MYO9A: variants seen among roughly 807,000 people sequenced by gnomAD.
The protein encoded by MYO9A is unconventional myosin-IXa.
A neutral mutation model predicts 293.3 loss-of-function variants in MYO9A; 103 were observed. The ratio of observed to expected loss-of-function variants is 0.35; its 90% CI spans 0.30 to 0.41. The LOEUF (loss-of-function observed/expected upper bound fraction) is 0.41. Among genes scored for constraint, MYO9A ranks in the 10% least tolerant of loss-of-function variants. The pLI is 1.00. For missense variants in MYO9A, 2,685 were observed against 3,033.0 expected (o/e 0.89, Z 2.69); for synonymous variants, 1,001 against 1,035.7 (o/e 0.97, Z 0.64).
intron 8 of MYO9A, among the ~76,000 whole-genome samples, chr15:72,003,064 G>A (rs1327144028): frequency 6.6e-6 from 1 of 151,936 alleles, no homozygotes; most frequent in East Asian, 1.9e-4. Context: ...TAAGTCAGGA[G>A]TTCGAGACCA....
chr15:71,885,460 A>G (rs1049461364), intron 27 of MYO9A, among the ~76,000 whole-genome samples: 2 of 151,998 alleles, frequency 1.3e-5, no homozygotes, highest in African/African-American at 4.8e-5. Flanking sequence ...CATTTCTATC[A>G]ACTCTCAATA....
chr15:71,992,134 AG>A (rs1247323274), intron 10 of MYO9A, among the ~76,000 whole-genome samples: 1 of 152,236 alleles, frequency 6.6e-6, no homozygotes, highest in Non-Finnish European at 1.5e-5. Flanking sequence ...TAGTGCTAAA[AG>A]GATTACAACA....
At chr15:71,882,270 T>C (rs9302260) in intron 28 of MYO9A, among the ~76,000 whole-genome samples, 103,922 of 152,034 alleles carry the variant, frequency 0.68, 36,014 homozygotes, top group Middle Eastern at 0.74. Flanking sequence ...GATGTATATC[T>C]CTGTTGAAGA....
At chr15:71,904,100 T>C in intron 20 of MYO9A, 61 bp from the exon 21 acceptor site, 1 of 1,293,270 alleles carries the variant, frequency 7.7e-7, no homozygotes, top group Non-Finnish European at 1.1e-6. Context: ...ATTATCTGTT[T>C]ATAAGCATGA....
At chr15:71,984,714 T>C (rs1210972764) in intron 11 of MYO9A, among the ~76,000 whole-genome samples, 1 of 152,240 alleles carries the variant, frequency 6.6e-6, no homozygotes, top group Admixed American at 6.5e-5. Context: ...TTAAAAACCA[T>C]CTGTGTCTTT....
intron 18 of MYO9A, among the ~76,000 whole-genome samples, chr15:71,924,496 C>A (rs1283116117): frequency 6.6e-6 from 1 of 152,080 alleles, no homozygotes; most frequent in East Asian, 1.9e-4. Context: ...CCCACCTTGG[C>A]CTCCCAAAGT....
intron 1 of MYO9A, among the ~76,000 whole-genome samples, chr15:72,112,108 T>A (rs185621310): frequency 2.4e-3 from 358 of 152,290 alleles, no homozygotes; most frequent in Admixed American, 3.4e-3. Flanking sequence ...GGAAAAAGAA[T>A]ATTTAAAAGA....
Position 71,897,464 on chromosome 15 carries a change from G to A in MYO9A, c.5039C>T (p.Pro1680Leu), listed in dbSNP as rs763561605. 2.5e-6 allele frequency: 4 copies of A among 1,602,678 alleles called. No homozygotes were observed. The highest frequency in any genetic ancestry group is 3.4e-6 in the Non-Finnish European group (4 of 1,173,438). The change falls in exon 25 of 42, where the codon CCC (proline) becomes CTC (leucine). Residue 1680 changes from proline (P) to leucine (L), a missense_variant. By Grantham distance (98) the Pro-to-Leu change is moderately conservative (BLOSUM62 -3). Coordinates refer to ENST00000356056, the MANE Select transcript of MYO9A (RefSeq NM_006901.4). The stretch of plus-strand genomic sequence containing the variant: ...CATAAATAAACATTTCACTTACAGG[G>A]GAATACTCATATTGTCCTTTGGAGT... Reference protein sequence around the residue: ...FFTPKDNMSIPLVSKEALNSK... With the variant: ...FFTPKDNMSILLVSKEALNSK...
chr15:71,876,425 ATTTTTTTTTTTTTTTTT>A (rs397854202), intron 31 of MYO9A, among the ~76,000 whole-genome samples: 1 of 61,070 alleles, frequency 1.6e-5, no homozygotes, highest in Admixed American at 2.0e-4. Context: ...CCTGGCTGGT[ATTTTTTTTTTTTTTTTT>A]TTTTTTTTTT....
chr15:72,088,378 G>C (rs2079808951), intron 1 of MYO9A, among the ~76,000 whole-genome samples: 1 of 152,168 alleles, frequency 6.6e-6, no homozygotes, highest in South Asian at 2.1e-4. Context: ...AATGCCTTCT[G>C]TGCCTACTTT....
chr15:71,976,966 T>C (rs1186517606), intron 12 of MYO9A, among the ~76,000 whole-genome samples: 1 of 152,192 alleles, frequency 6.6e-6, no homozygotes, highest in African/African-American at 2.4e-5. Flanking sequence ...TTTCTAAATT[T>C]TTTACTAAAC....
intron 18 of MYO9A, among the ~76,000 whole-genome samples, chr15:71,918,101 C>A (rs1191003892): frequency 6.6e-6 from 1 of 152,184 alleles, no homozygotes; most frequent in Non-Finnish European, 1.5e-5. Context: ...TCCATTCAAT[C>A]TCACTTGTAT....
In MYO9A at chr15:72,046,538, C is replaced by A. The variant is rs2078390208; in HGVS notation, c.26G>T (p.Arg9Leu). The A allele has an allele frequency of 1.2e-6, 2 of 1,602,766 alleles. No homozygotes were observed. The highest frequency in any genetic ancestry group is 1.1e-5 in the South Asian group (1 of 89,818). ...TGTATGTTCATTATCTTCAAAGCGT[C>A]GTCTTCCTCCATCATTTATATTCAT... MNINDGGRRRFEDNEHTLR... is the reference protein window; with the variant it reads MNINDGGRLRFEDNEHTLR... Residue 9 changes from arginine to leucine, a missense_variant, in exon 2 of 42, where the codon CGA becomes CTA. Physicochemically the swap from Arg to Leu is moderately radical, Grantham distance 102. Coordinates refer to ENST00000356056, the MANE Select transcript of MYO9A (RefSeq NM_006901.4).
intron 32 of MYO9A, among the ~76,000 whole-genome samples, chr15:71,865,076 A>G (rs899748603): frequency 2.0e-5 from 3 of 152,178 alleles, no homozygotes; most frequent in Non-Finnish European, 4.4e-5. Flanking sequence ...TGATTCACTA[A>G]ATTAAACTTC....
chr15:71,955,161 CTT>C (rs1265519754), intron 14 of MYO9A, among the ~76,000 whole-genome samples: 1 of 147,456 alleles, frequency 6.8e-6, no homozygotes, highest in African/African-American at 2.5e-5. Flanking sequence ...GAGTTTCGCT[CTT>C]GTTGCCCAGG....
At chr15:72,089,585 G>A (rs1279699438) in intron 1 of MYO9A, among the ~76,000 whole-genome samples, 1 of 152,080 alleles carries the variant, frequency 6.6e-6, no homozygotes, top group Non-Finnish European at 1.5e-5. Context: ...TTCGAGACCA[G>A]TCTGGGCAAC....
intron 8 of MYO9A, among the ~76,000 whole-genome samples, chr15:72,000,970 G>A (rs1461963759): frequency 6.6e-6 from 1 of 152,148 alleles, no homozygotes; most frequent in African/African-American, 2.4e-5. Flanking sequence ...AAAAGTTTCT[G>A]TGAAGAACAA....
chr15:71,922,226 ACCTTGGCCT>A (rs1259783521), intron 18 of MYO9A, among the ~76,000 whole-genome samples: 1 of 152,138 alleles, frequency 6.6e-6, no homozygotes, highest in African/African-American at 2.4e-5. Context: ...CAATCTGCCC[ACCTTGGCCT>A]CCCACAGTGC....
At chr15:71,981,015 TAC>T (rs1179268423) in intron 11 of MYO9A, among the ~76,000 whole-genome samples, 5 of 152,228 alleles carry the variant, frequency 3.3e-5, no homozygotes, top group Admixed American at 3.3e-4. Flanking sequence ...AAGGAATAGC[TAC>T]ACAGTTTTAT....
Sources: gnomAD v4.1 joint callset for allele counts (sites outside exome capture counted in the v4.1 genomes callset) on GRCh38, gnomAD v4.1.1 for gene constraint, MANE v1.5 for transcripts, NCBI Gene and HGNC (gene_info 2026-07-23, HGNC 2026-07-21) for gene names.